The following DHRS7B variants were observed in gnomAD, a reference collection of about 807,000 sequenced individuals.
DHRS7B encodes the protein dehydrogenase/reductase 7B, also known as peroxisomal reductase activating PPAR-gamma.
Under a neutral mutation model 26.4 loss-of-function variants are expected in DHRS7B, and 24 were observed. The observed-to-expected ratio is 0.91, with a 90% CI of 0.66 to 1.28. The LOEUF (loss-of-function observed/expected upper bound fraction) is 1.28, where lower values mean the gene tolerates loss of function less well. Ranked by LOEUF, DHRS7B falls within the 50% of genes most tolerant of loss-of-function variation. The pLI is 0.00. For synonymous variants in DHRS7B, 142 were observed against 166.4 expected, an observed-to-expected ratio of 0.85 and a Z score of 1.13; for missense variants, 368 against 419.4, an observed-to-expected ratio of 0.88 and a Z score of 1.07.
At chr17:21,136,329 A>G (rs1264332931) in intron 1 of DHRS7B, among the ~76,000 whole-genome samples, 1 of 148,940 alleles carries the variant, frequency 6.7e-6, no homozygotes, top group Non-Finnish European at 1.5e-5. Flanking sequence ...ATTTAGCAAG[A>G]CTTGGTGTCC....
chr17:21,178,868 AG>A (rs1289155352), intron 3 of DHRS7B, among the ~76,000 whole-genome samples: 1 of 152,062 alleles, frequency 6.6e-6, no homozygotes, highest in Non-Finnish European at 1.5e-5. Context: ...CATATTGACC[AG>A]GCTGGACTCC....
rs769405006 is a variant in DHRS7B at position 21,188,765 on chromosome 17, T to TG, written c.676dup (p.Glu226GlyfsTer4). 6.2e-7 allele frequency: 1 copy of TG among 1,613,670 alleles called. No individual in the cohort carries two copies. Among genetic ancestry groups the TG allele is most frequent in the Non-Finnish European group, 8.5e-7 (1 of 1,179,908 alleles). On this transcript the variant is annotated frameshift_variant, in exon 6 of 7. Transcript: ENST00000395511. LOFTEE classifies it high-confidence loss of function. ...TTCTTTGACTGTCTGCGTGCCGAGATGGAACAGTATGAAATTGAGGTGACC... is the reference window on the plus strand; with the variant it reads ...TTCTTTGACTGTCTGCGTGCCGAGATGGGAACAGTATGAAATTGAGGTGACC...
At chr17:21,141,608 C>T (rs1438246493) in intron 1 of DHRS7B, among the ~76,000 whole-genome samples, 1 of 30,226 alleles carries the variant, frequency 3.3e-5, no homozygotes, top group Non-Finnish European at 6.8e-5. Context: ...TGGTTTCTAC[C>T]AGCAAGAAAG....
intron 2 of DHRS7B, among the ~76,000 whole-genome samples, chr17:21,177,805 G>T (rs1475780081): frequency 1.3e-5 from 2 of 152,236 alleles, no homozygotes; most frequent in African/African-American, 4.8e-5. Flanking sequence ...GTATTTCCAG[G>T]AGAGCTGTGC....
chr17:21,138,101 T>TATATACACACACACAC (rs1555536219), intron 1 of DHRS7B, among the ~76,000 whole-genome samples: 4 of 86,146 alleles, frequency 4.6e-5, no homozygotes, highest in Admixed American at 2.8e-4. Flanking sequence ...TATATATATA[T>TATATACACACACACAC]ACACACACAC....
chr17:21,132,167 A>G (rs1973243541), intron 1 of DHRS7B, among the ~76,000 whole-genome samples: 2 of 151,978 alleles, frequency 1.3e-5, no homozygotes, highest in Admixed American at 6.6e-5. Context: ...GTTGGATAGT[A>G]TTTGTGGACA....
At chr17:21,137,718 A>G (rs1174396008) in intron 1 of DHRS7B, among the ~76,000 whole-genome samples, 3 of 151,406 alleles carry the variant, frequency 2.0e-5, no homozygotes, top group African/African-American at 7.3e-5. Context: ...CGGCCTCCCA[A>G]AGTGCTGGGA....
At chr17:21,169,042 G>T in intron 1 of DHRS7B, 6 of 462,620 alleles carry the variant, frequency 1.3e-5, no homozygotes, top group Non-Finnish European at 1.7e-5. Flanking sequence ...CTCCTCCCTG[G>T]GTGTGAAGAC....
chr17:21,141,640 A>AAAAAAAAAAAAAGG, intron 1 of DHRS7B, among the ~76,000 whole-genome samples: 3 of 90,080 alleles, frequency 3.3e-5, no homozygotes, highest in African/African-American at 4.3e-5. Context: ...AAAAAAAAAA[A>AAAAAAAAAAAAAGG]CAACCTCATC....
chr17:21,140,519 CA>C (rs1973477659), intron 1 of DHRS7B, among the ~76,000 whole-genome samples: 1 of 150,292 alleles, frequency 6.7e-6, no homozygotes, highest in Non-Finnish European at 1.5e-5. Context: ...CACACACACA[CA>C]CACACACACA....
intron 1 of DHRS7B, among the ~76,000 whole-genome samples, chr17:21,164,030 CTTTT>C (rs35189205): frequency 1.0e-5 from 1 of 96,970 alleles, no homozygotes. Flanking sequence ...AATTGTTGTG[CTTTT>C]TTTTTTTTTT....
chr17:21,141,202 G>A (rs1018617065), intron 1 of DHRS7B, among the ~76,000 whole-genome samples: 1 of 152,150 alleles, frequency 6.6e-6, no homozygotes, highest in African/African-American at 2.4e-5. Flanking sequence ...GACACCCCCA[G>A]GAGGCCACCG....
chr17:21,152,374 C>T (rs1398751742), intron 1 of DHRS7B, among the ~76,000 whole-genome samples: 1 of 152,112 alleles, frequency 6.6e-6, no homozygotes, highest in Non-Finnish European at 1.5e-5. Context: ...AGGCTAGTGT[C>T]GAACTCCTGG....
chr17:21,151,423 G>A (rs1973768440), intron 1 of DHRS7B, among the ~76,000 whole-genome samples: 1 of 151,036 alleles, frequency 6.6e-6, no homozygotes, highest in African/African-American at 2.4e-5. Flanking sequence ...CTGAGGCAGA[G>A]AATTGCTTGA....
At chr17:21,150,566 G>A (rs1304244139) in intron 1 of DHRS7B, among the ~76,000 whole-genome samples, 1 of 152,108 alleles carries the variant, frequency 6.6e-6, no homozygotes, top group African/African-American at 2.4e-5. Flanking sequence ...GCAATGAGCC[G>A]AGATTGCACC....
Position 21,137,886 on chromosome 17 carries a change from C to A in DHRS7B, c.20+10895C>A, listed in dbSNP as rs535506634. Among the ~76,000 whole-genome samples, 128 of 148,228 alleles carry A rather than the reference C, an allele frequency of 8.6e-4. 2 individuals are homozygous for A. The highest frequency in any genetic ancestry group is 7.1e-3 in the Middle Eastern group (2 of 282). ...GTTCTGGGATTACAGCCACCGCACCCAGCCTCTGGCTAATTTTTTGTATTT... is the reference window on the plus strand; with the variant it reads ...GTTCTGGGATTACAGCCACCGCACCAAGCCTCTGGCTAATTTTTTGTATTT... On this transcript the variant is annotated intron_variant, in intron 1 of 6. Transcript: ENST00000395511.
chr17:21,156,408 C>G (rs932380284), intron 1 of DHRS7B, among the ~76,000 whole-genome samples: 1 of 151,742 alleles, frequency 6.6e-6, no homozygotes, highest in Non-Finnish European at 1.5e-5. Context: ...GAGATTGAGA[C>G]CAGCCTGGCC....
intron 1 of DHRS7B, among the ~76,000 whole-genome samples, chr17:21,171,053 G>A (rs987612786): frequency 5.9e-5 from 9 of 152,106 alleles, no homozygotes; most frequent in Non-Finnish European, 1.2e-4. Context: ...GGACTCGGGG[G>A]GGGCCTTTTG....
intron 1 of DHRS7B, among the ~76,000 whole-genome samples, chr17:21,143,566 G>A (rs1223096300): frequency 2.0e-5 from 3 of 152,190 alleles, no homozygotes; most frequent in Admixed American, 6.5e-5. Context: ...ACAGCATTTT[G>A]TAATATATAA....
Sources: allele counts gnomAD v4.1 joint callset (sites outside exome capture counted in the v4.1 genomes callset), GRCh38; gene constraint gnomAD v4.1.1; transcripts MANE v1.5; gene names NCBI Gene and HGNC (gene_info 2026-07-23, HGNC 2026-07-21).